Variants in TRMO observed in about 807,000 individuals in gnomAD.
TRMO encodes tRNA methyltransferase O, also known as tRNA (adenine(37)-N6)-methyltransferase.
TRMO carries 30 observed loss-of-function variants against 37.2 expected under a neutral mutation model. The ratio of observed to expected loss-of-function variants is 0.81; its 90% CI spans 0.60 to 1.09. The LOEUF is 1.09. Among genes scored for constraint, TRMO ranks in the 50% least tolerant of loss-of-function variants. The pLI is 0.00. For missense variants in TRMO, 552 were observed against 549.5 expected (o/e 1.00, Z -0.05); for synonymous variants, 239 against 199.4 (o/e 1.20, Z -1.67).
Position 97,904,776 on chromosome 9 carries a change from T to C in TRMO, c.1283A>G (p.His428Arg), listed in dbSNP as rs144658597. Residue 428 changes from histidine to arginine, a missense_variant, in exon 5 of 5, where the codon CAT (histidine) becomes CGT (arginine). Coordinates refer to ENST00000375119, the MANE Select transcript of TRMO (RefSeq NM_016481.5). ...CAAGGACCCCACAGGGCCAGTCATA[T>C]GAACAGGCTCAGAAGCCGGCTTGAT... is the stretch of plus-strand genomic sequence containing the variant. ...LRIKPASEPV[H>R]MTGPVGSLVS... is the part of the protein sequence containing the mutation. 20 of 1,614,054 alleles carry C rather than the reference T, an allele frequency of 1.2e-5. No individual in the cohort carries two copies. The African/African-American group carries it at 2.4e-4, about 19-fold the overall frequency.
the TRMO span, among the ~76,000 whole-genome samples, chr9:97,897,656 A>G: frequency 6.6e-6 from 1 of 152,216 alleles, no homozygotes; most frequent in Admixed American, 6.5e-5. Context: ...GTCTATACTA[A>G]TATGAAGAAT....
chr9:97,922,364 G>T, intron 1 of TRMO, 54 bp downstream of exon 1: 4 of 1,270,140 alleles, frequency 3.1e-6, no homozygotes, highest in African/African-American at 1.5e-5. Flanking sequence ...AACGAAGTCC[G>T]CTGCCTGGGC....
chr9:97,911,961 C>A (rs1419965134), intron 3 of TRMO: 1 of 152,112 alleles, frequency 6.6e-6, no homozygotes, highest in Non-Finnish European at 1.5e-5. Context: ...TCTGGACTTG[C>A]TAGATGATGA....
the TRMO span, among the ~76,000 whole-genome samples, chr9:97,897,606 G>A: frequency 6.6e-6 from 1 of 152,164 alleles, no homozygotes; most frequent in African/African-American, 2.4e-5. Flanking sequence ...ATATTACTGA[G>A]ATGCCAAATA....
At chr9:97,910,964 G>A (rs1437876505) in intron 3 of TRMO, 1 of 497,522 alleles carries the variant, frequency 2.0e-6, no homozygotes, top group African/African-American at 1.9e-5. Flanking sequence ...CCTGCTTAGA[G>A]TCTTCATCCC....
At chr9:97,921,351 T>A (rs1483404638) in intron 1 of TRMO, among the ~76,000 whole-genome samples, 1 of 152,006 alleles carries the variant, frequency 6.6e-6, no homozygotes, top group Non-Finnish European at 1.5e-5. Context: ...AGCCCAGGAG[T>A]TTGAGACCAG....
chr9:97,898,196 G>A, the TRMO span, among the ~76,000 whole-genome samples: 1 of 152,222 alleles, frequency 6.6e-6, no homozygotes, highest in Admixed American at 6.5e-5. Flanking sequence ...GCTGTTCACA[G>A]CCACGTGCAC....
rs966433496 is a variant in TRMO, at chr9:97,904,627, G to A, written c.*106C>T. ...AACAGCCCAAATCAATCAAAGCCAT[G>A]AGATCACAAAGTGTTGCTTCTCGAC... On this transcript the variant is annotated 3_prime_UTR_variant, in exon 5 of 5. Transcript: ENST00000375119. 4 of 1,532,510 alleles carry A rather than the reference G, an allele frequency of 2.6e-6. No individual in the cohort carries two copies. The highest frequency in any genetic ancestry group is 3.5e-6 in the Non-Finnish European group (4 of 1,144,090). 94.9% of individuals were successfully genotyped at this position (1,532,510 alleles called of 1,614,324 possible). A position where few individuals can be genotyped will look rare whatever the true frequency, so the allele number is the denominator to read the frequency against.
At chr9:97,912,733 T>G in intron 3 of TRMO, 5 of 366,176 alleles carry the variant, frequency 1.4e-5, no homozygotes, top group South Asian at 1.0e-4. Flanking sequence ...AATGGTCTCT[T>G]GACTCCTAGT....
chr9:97,920,933 T>C (rs2131543203), intron 1 of TRMO, among the ~76,000 whole-genome samples: 2 of 152,348 alleles, frequency 1.3e-5, no homozygotes, highest in South Asian at 4.1e-4. Flanking sequence ...TTCTTCACAA[T>C]CAGAATCCAA....
chr9:97,914,527 ACTTCTG>A (rs2131532194), intron 2 of TRMO, among the ~76,000 whole-genome samples: 1 of 152,312 alleles, frequency 6.6e-6, no homozygotes, highest in South Asian at 2.1e-4. Context: ...CAATATATCC[ACTTCTG>A]ATATCCTGTT....
At position 97,904,698 on chromosome 9, in the gene TRMO, C is replaced by G. The variant is rs750731062; in HGVS notation, c.*35G>C. On this transcript the variant is annotated 3_prime_UTR_variant, in exon 5 of 5. Transcript: ENST00000375119. ...AAATCCAAAAGCCACATCCAAAGAT[C>G]AATGATGCTACCTTAAAGACATGAG... 2 of 1,602,908 alleles carry G rather than the reference C, an allele frequency of 1.2e-6. No individual in the cohort carries two copies. Among genetic ancestry groups the G allele is most frequent in the South Asian group, 1.1e-5 (1 of 90,124 alleles).
chr9:97,902,475 TA>T, downstream of TRMO, among the ~76,000 whole-genome samples: 1 of 152,268 alleles, frequency 6.6e-6, no homozygotes, highest in East Asian at 1.9e-4. Flanking sequence ...CTAATTTTTG[TA>T]TTTTAAGTAG....
At chr9:97,898,613 C>T in the TRMO span, among the ~76,000 whole-genome samples, 1 of 152,074 alleles carries the variant, frequency 6.6e-6, no homozygotes, top group Non-Finnish European at 1.5e-5. Context: ...TTCCCAAACT[C>T]CTGGCCTCAA....
chr9:97,902,900 AG>A (rs376221472), downstream of TRMO, among the ~76,000 whole-genome samples: 20 of 152,326 alleles, frequency 1.3e-4, no homozygotes, highest in East Asian at 3.5e-3. Context: ...AGCTGGGTGA[AG>A]GGTACACAGG....
intron 4 of TRMO, among the ~76,000 whole-genome samples, chr9:97,908,274 T>C (rs951569968): frequency 3.3e-4 from 50 of 152,092 alleles, no homozygotes; most frequent in Non-Finnish European, 5.4e-4. Context: ...TAGCTGGGTG[T>C]GGTGGCGGGC....
chr9:97,916,859 C>A (rs946149148), intron 1 of TRMO, among the ~76,000 whole-genome samples: 2 of 150,814 alleles, frequency 1.3e-5, no homozygotes, highest in African/African-American at 4.8e-5. Flanking sequence ...GCGCCCACCA[C>A]CACGCTCAAC....
rs77734907 is a variant in TRMO at position 97,904,671 on chromosome 9, G to T, written c.*62C>A. ...TCTCGACACAACATTAGCTTGTTCA[G>T]AAAATCCAAAAGCCACATCCAAAGA... On this transcript the variant is annotated 3_prime_UTR_variant, in exon 5 of 5. Transcript: ENST00000375119. 4.4e-6 allele frequency: 7 copies of T among 1,587,886 alleles called. No individual in the cohort carries two copies. The Admixed American group carries it at 8.9e-5, about 20-fold the overall frequency.
chr9:97,909,922 A>G, intron 4 of TRMO, 38 bp downstream of exon 4: 1 of 1,444,114 alleles, frequency 6.9e-7, no homozygotes, highest in Non-Finnish European at 9.3e-7. Flanking sequence ...TCAAAGTAAA[A>G]GTTCATCTCT....
Sources: allele counts gnomAD v4.1 joint callset (sites outside exome capture counted in the v4.1 genomes callset), GRCh38; gene constraint gnomAD v4.1.1; transcripts MANE v1.5; gene names NCBI Gene and HGNC (gene_info 2026-07-23, HGNC 2026-07-21).